The following TBCK variants were observed in gnomAD, a reference collection of about 807,000 sequenced individuals.
TBCK encodes the protein TBC1 domain containing kinase, also known as TBC domain-containing protein kinase-like protein.
In TBCK, 99 loss-of-function variants were observed where a neutral mutation model predicts 113.4. That is an observed-to-expected ratio of 0.87 (90% CI 0.74 to 1.03). The LOEUF is 1.03. TBCK is among the 50% of genes least tolerant of loss of function. TBCK has a pLI of 0.00. For synonymous variants in TBCK, 369 were observed against 370.8 expected, an observed-to-expected ratio of 1.00 and a Z score of 0.05; for missense variants, 1,045 against 1,061.3, an observed-to-expected ratio of 0.98 and a Z score of 0.21.
chr4:106,210,567 A>C (rs919683703), intron 20 of TBCK, among the ~76,000 whole-genome samples: 1 of 152,174 alleles, frequency 6.6e-6, no homozygotes, highest in Non-Finnish European at 1.5e-5. Flanking sequence ...AATAATGCTA[A>C]AACATTAGAA....
At chr4:106,156,981 C>A (rs1005633555) in intron 23 of TBCK, among the ~76,000 whole-genome samples, 1 of 152,140 alleles carries the variant, frequency 6.6e-6, no homozygotes, top group African/African-American at 2.4e-5. Context: ...TCACCTGAAG[C>A]CAGCAAGTCT....
chr4:106,148,773 T>G (rs187175747), intron 23 of TBCK, among the ~76,000 whole-genome samples: 5 of 152,302 alleles, frequency 3.3e-5, no homozygotes, highest in African/African-American at 9.6e-5. Flanking sequence ...TCAATGAGTA[T>G]TAGCTTCAAC....
chr4:106,305,905 A>G (rs987369574), intron 2 of TBCK, among the ~76,000 whole-genome samples: 2 of 152,252 alleles, frequency 1.3e-5, no homozygotes, highest in African/African-American at 2.4e-5. Flanking sequence ...AAGGGGACGC[A>G]TGAATAATCC....
At chr4:106,300,263 T>A (rs1236513451) in intron 2 of TBCK, among the ~76,000 whole-genome samples, 1 of 152,202 alleles carries the variant, frequency 6.6e-6, no homozygotes, top group Non-Finnish European at 1.5e-5. Context: ...TAGTTTTGGG[T>A]ATGTCTTTAT....
intron 3 of TBCK, among the ~76,000 whole-genome samples, chr4:106,282,234 A>G (rs918112951): frequency 1.3e-5 from 2 of 151,882 alleles, no homozygotes; most frequent in African/African-American, 4.8e-5. Flanking sequence ...TTGAGTTTCT[A>G]TGGTTTCAGT....
chr4:106,160,269 G>A (rs1749618924), intron 23 of TBCK, among the ~76,000 whole-genome samples: 1 of 151,926 alleles, frequency 6.6e-6, no homozygotes, highest in Non-Finnish European at 1.5e-5. Context: ...AGAAAAAACA[G>A]TCAAATTGAA....
chr4:106,295,314 AC>A, intron 2 of TBCK, 148 bp from the exon 3 acceptor site: 1 of 518,590 alleles, frequency 1.9e-6, no homozygotes, highest in South Asian at 4.5e-5. Context: ...CTACATTATT[AC>A]CAAGTATATA....
intron 23 of TBCK, among the ~76,000 whole-genome samples, chr4:106,170,340 A>C (rs1190276870): frequency 6.6e-6 from 1 of 152,016 alleles, no homozygotes; most frequent in African/African-American, 2.4e-5. Flanking sequence ...ATATATATTC[A>C]TTTAGCTGTT....
intron 2 of TBCK, among the ~76,000 whole-genome samples, chr4:106,302,170 T>C (rs1398050518): frequency 2.6e-5 from 4 of 152,294 alleles, no homozygotes; most frequent in South Asian, 2.1e-4. Context: ...ATATAAACTT[T>C]ACACATATTC....
At chr4:106,297,961 C>G (rs1319481047) in intron 2 of TBCK, among the ~76,000 whole-genome samples, 1 of 152,164 alleles carries the variant, frequency 6.6e-6, no homozygotes, top group African/African-American at 2.4e-5. Flanking sequence ...TGGCACATAA[C>G]AAGCAATAGC....
chr4:106,217,326 C>T (rs564495633), intron 19 of TBCK, among the ~76,000 whole-genome samples: 92 of 152,220 alleles, frequency 6.0e-4, no homozygotes, highest in Admixed American at 1.3e-3. Flanking sequence ...GATGACCTCT[C>T]TCACCACTCC....
intron 25 of TBCK, among the ~76,000 whole-genome samples, chr4:106,092,696 G>A (rs960958608): frequency 6.6e-6 from 1 of 152,196 alleles, no homozygotes; most frequent in Non-Finnish European, 1.5e-5. Flanking sequence ...GTGCGGGGCC[G>A]TCAAGCCCAC....
chr4:106,201,932 G>C (rs1754930592), intron 20 of TBCK, among the ~76,000 whole-genome samples: 1 of 151,912 alleles, frequency 6.6e-6, no homozygotes, highest in Non-Finnish European at 1.5e-5. Flanking sequence ...ATGTACATTA[G>C]GAAACATATA....
intron 3 of TBCK, among the ~76,000 whole-genome samples, chr4:106,270,379 CT>C (rs1763370496): frequency 6.6e-6 from 1 of 152,084 alleles, no homozygotes; most frequent in African/African-American, 2.4e-5. Flanking sequence ...TGCACAGAAA[CT>C]TCAAAACCTC....
chr4:106,129,861 A>G (rs1342217884), intron 23 of TBCK, among the ~76,000 whole-genome samples: 2 of 152,148 alleles, frequency 1.3e-5, no homozygotes, highest in Admixed American at 6.5e-5. Flanking sequence ...GGGACTTTCA[A>G]TCCTCTGCTT....
chr4:106,211,075 T>A (rs1756072222), intron 20 of TBCK, among the ~76,000 whole-genome samples: 1 of 152,128 alleles, frequency 6.6e-6, no homozygotes, highest in African/African-American at 2.4e-5. Context: ...CCGCACCTGG[T>A]TTCCAAACAT....
At chr4:106,061,667 A>AGTGTGTGTGT (rs61139916) in intron 25 of TBCK, among the ~76,000 whole-genome samples, 15 of 148,410 alleles carry the variant, frequency 1.0e-4, no homozygotes, top group African/African-American at 3.7e-4. Flanking sequence ...TGTTTCTGTG[A>AGTGTGTGTGT]GTGTGTGTGT....
At chr4:106,311,735 C>T (rs1380437698) in intron 1 of TBCK, among the ~76,000 whole-genome samples, 1 of 151,940 alleles carries the variant, frequency 6.6e-6, no homozygotes, top group Non-Finnish European at 1.5e-5. Flanking sequence ...CTATATTTAT[C>T]TACATATGTG....
Position 106,236,517 on chromosome 4 carries a change from T to A in TBCK, c.1223A>T (p.Gln408Leu), listed in dbSNP as rs779203595. ...GCTGTTTGAATGAGGTAAATTAGAC[T>A]GGCTGTAAAAGAGAACAAAAGCAAT... Reference protein sequence around the residue: ...EAFYPLLEDDQSNLPHSNSNN... With the variant: ...EAFYPLLEDDLSNLPHSNSNN... The change falls in exon 14 of 26, where the codon CAG becomes CTG. Residue 408 changes from glutamine (Q) to leucine (L), a missense_variant and splice_region_variant. Physicochemically the swap from Gln to Leu is moderately radical, Grantham distance 113 (BLOSUM62 -2). Coordinates refer to ENST00000394708, the MANE Select transcript of TBCK (RefSeq NM_001163435.3). The A allele has an allele frequency of 1.3e-6, 2 of 1,519,480 alleles. No individual in the cohort carries two copies. The highest frequency in any genetic ancestry group is 1.8e-6 in the Non-Finnish European group (2 of 1,136,852). The allele number at this position is 1,519,480 out of a possible 1,614,324, so 94.1% of individuals were successfully genotyped here.
Sources: gnomAD v4.1 joint callset for allele counts (sites outside exome capture counted in the v4.1 genomes callset) on GRCh38, gnomAD v4.1.1 for gene constraint, MANE v1.5 for transcripts, NCBI Gene and HGNC (gene_info 2026-07-23, HGNC 2026-07-21) for gene names.